MYT1L: variants seen among roughly 807,000 people sequenced by gnomAD.
The protein encoded by MYT1L is myelin transcription factor 1 like.
Under a neutral mutation model 126.7 loss-of-function variants are expected in MYT1L, and 12 were observed. That is an observed-to-expected ratio of 0.09 (90% CI 0.06 to 0.15). The LOEUF (loss-of-function observed/expected upper bound fraction) is 0.15. MYT1L is among the 10% of genes least tolerant of loss of function. The probability of loss-of-function intolerance (pLI) is 1.00; values close to 1 mark genes in which losing one functional copy is unlikely to be tolerated. For synonymous variants in MYT1L, 541 were observed against 604.2 expected, an observed-to-expected ratio of 0.90 and a Z score of 1.53; for missense variants, 979 against 1,585.2, an observed-to-expected ratio of 0.62 and a Z score of 6.49.
intron 3 of MYT1L, among the ~76,000 whole-genome samples, chr2:2,159,361 C>G (rs2148406447): frequency 6.6e-6 from 1 of 152,264 alleles, no homozygotes. Flanking sequence ...ACCCTCCTCT[C>G]CACTGCAAAT....
intron 1 of MYT1L, among the ~76,000 whole-genome samples, chr2:2,322,153 T>C (rs111825364): frequency 1.5e-3 from 223 of 151,618 alleles, no homozygotes; most frequent in African/African-American, 5.0e-3. Context: ...ATAAAAAATA[T>C]TTACCTGTTT....
chr2:2,328,908 C>T (rs2096268144), intron 1 of MYT1L, among the ~76,000 whole-genome samples: 2 of 152,192 alleles, frequency 1.3e-5, no homozygotes, highest in Non-Finnish European at 2.9e-5. Context: ...ATCTTCAAAA[C>T]ATCCAAATGT....
At chr2:1,824,895 T>G (rs1043413585) in intron 21 of MYT1L, 8 of 152,390 alleles carry the variant, frequency 5.2e-5, no homozygotes, top group African/African-American at 1.9e-4. Flanking sequence ...AGGCTTCGCT[T>G]TGTGGATGAC....
At position 2,188,537 on chromosome 2, in the gene MYT1L, C is replaced by T. The variant is rs1000072470; in HGVS notation, c.-420-15549G>A. ...CATTTCCTAATCTATTTAAAATGGC[C>T]TAGAAAATAAGTCCTGATCTGTGTG... On this transcript the variant is annotated intron_variant, in intron 2 of 24. Coordinates refer to ENST00000647738, the MANE Select transcript of MYT1L (RefSeq NM_001303052.2). Among the ~76,000 whole-genome samples the T allele has an allele frequency of 2.0e-5, 3 of 152,268 alleles. No individual in the cohort carries two copies. In the East Asian group the frequency reaches 5.8e-4, roughly 29 times the overall value.
intron 2 of MYT1L, among the ~76,000 whole-genome samples, chr2:2,273,737 G>A (rs1193083809): frequency 6.6e-6 from 1 of 152,222 alleles, no homozygotes; most frequent in African/African-American, 2.4e-5. Context: ...GCATGTCTGA[G>A]AGGTTACTAA....
At chr2:2,180,972 C>CTGTGTGTGTACCTGTGTGTGCT (rs1280046776) in intron 2 of MYT1L, among the ~76,000 whole-genome samples, 1 of 143,510 alleles carries the variant, frequency 7.0e-6, no homozygotes, top group Non-Finnish European at 1.5e-5. Context: ...GTAACCGTAC[C>CTGTGTGTGTACCTGTGTGTGCT]TGTGTGTGTA....
chr2:1,943,034 A>T lies in MYT1L; in HGVS notation c.453T>A (p.Asp151Glu), dbSNP rs2056826323. ...DDDEDGEDVE[D>E]EEEEEEEEEE... ...CCTCCTCCTCCTCTTCCTCTTCTTCATCCTCCACATCTTCTCCATCCTCGT... is the reference window on the plus strand; with the variant it reads ...CCTCCTCCTCCTCTTCCTCTTCTTCTTCCTCCACATCTTCTCCATCCTCGT... The change falls in exon 9 of 25, where the codon GAT (aspartate) becomes GAA (glutamate). Residue 151 changes from aspartate (D) to glutamate (E), a missense_variant. Asp to Glu is a conservative substitution (Grantham distance 45). Around this residue, in one of 12 missense-constraint regions of MYT1L, gnomAD observed 243 missense variants for 363.9 expected, o/e 0.67. Coordinates refer to ENST00000647738, the MANE Select transcript of MYT1L (RefSeq NM_001303052.2). This position sits in a 1 kb window ranked among gnomAD's most constrained non-coding sequence, Gnocchi z 4.4. 6.7e-7 allele frequency: 1 copy of T among 1,491,772 alleles called. No homozygotes were observed. Among genetic ancestry groups the T allele is most frequent in the Non-Finnish European group, 9.1e-7 (1 of 1,096,058 alleles). 92.4% of individuals were successfully genotyped at this position (1,491,772 alleles called of 1,614,324 possible). A position where few individuals can be genotyped will look rare whatever the true frequency, so the allele number is the denominator to read the frequency against.
chr2:2,055,088 T>C (rs1428239798), intron 3 of MYT1L, among the ~76,000 whole-genome samples: 2 of 152,228 alleles, frequency 1.3e-5, no homozygotes, highest in African/African-American at 4.8e-5. Flanking sequence ...AGAAAATTAA[T>C]GAAATTACTC....
intron 21 of MYT1L, among the ~76,000 whole-genome samples, chr2:1,809,541 C>T (rs2036260246): frequency 6.6e-6 from 1 of 152,102 alleles, no homozygotes; most frequent in Non-Finnish European, 1.5e-5. Flanking sequence ...TTATGGAAAG[C>T]ATCAAGCTCA....
At chr2:1,918,811 T>C (rs1449395563) in intron 10 of MYT1L, among the ~76,000 whole-genome samples, 1 of 152,212 alleles carries the variant, frequency 6.6e-6, no homozygotes, top group Non-Finnish European at 1.5e-5. Flanking sequence ...TAAAATTATG[T>C]GGTTGTGGCT....
At chr2:1,807,214 T>G (rs2035858050) in intron 22 of MYT1L, among the ~76,000 whole-genome samples, 1 of 152,174 alleles carries the variant, frequency 6.6e-6, no homozygotes, top group South Asian at 2.1e-4. Context: ...TGGTGAACAA[T>G]GGGCCACATG....
intron 18 of MYT1L, among the ~76,000 whole-genome samples, chr2:1,864,054 C>G (rs1437186549): frequency 6.6e-6 from 1 of 152,198 alleles, no homozygotes; most frequent in East Asian, 1.9e-4. Context: ...TTCATGCCCC[C>G]CAGGGCTGCG....
At chr2:2,225,819 G>A (rs2093994476) in intron 2 of MYT1L, among the ~76,000 whole-genome samples, 1 of 152,162 alleles carries the variant, frequency 6.6e-6, no homozygotes, top group African/African-American at 2.4e-5. Context: ...AATCTGAGGA[G>A]GGCTGAGTGA....
At chr2:1,857,013 G>A in intron 18 of MYT1L, among the ~76,000 whole-genome samples, 1 of 152,206 alleles carries the variant, frequency 6.6e-6, no homozygotes, top group Admixed American at 6.5e-5. Context: ...CACCTGCAGA[G>A]CAAGTGCACG....
At chr2:2,184,966 G>A (rs963922591) in intron 2 of MYT1L, among the ~76,000 whole-genome samples, 1 of 152,068 alleles carries the variant, frequency 6.6e-6, no homozygotes, top group Non-Finnish European at 1.5e-5. Flanking sequence ...CCACCTCTCT[G>A]GCCTTTACTT....
At chr2:2,296,651 T>C (rs751508624) in intron 1 of MYT1L, among the ~76,000 whole-genome samples, 7 of 152,164 alleles carry the variant, frequency 4.6e-5, no homozygotes, top group Non-Finnish European at 8.8e-5. Flanking sequence ...GGACTCTGTC[T>C]GTGGTACCTC....
intron 2 of MYT1L, among the ~76,000 whole-genome samples, chr2:2,205,514 T>C (rs1288022868): frequency 6.6e-6 from 1 of 152,214 alleles, no homozygotes; most frequent in Non-Finnish European, 1.5e-5. Flanking sequence ...ATGCATATAA[T>C]GTAGTCAGGG....
intron 1 of MYT1L, among the ~76,000 whole-genome samples, chr2:2,328,317 G>A (rs1055002089): frequency 3.9e-5 from 6 of 152,100 alleles, no homozygotes; most frequent in Admixed American, 1.3e-4. Context: ...ATTTTCAAGA[G>A]AGTAAAAAAT....
chr2:2,273,932 A>G lies in MYT1L; in HGVS notation c.-421+10472T>C, dbSNP rs185993499. Among the ~76,000 whole-genome samples the G allele has an allele frequency of 4.8e-4, 73 of 152,336 alleles. No homozygotes were observed. In the East Asian group the frequency reaches 0.013, roughly 27 times the overall value. On this transcript the variant is annotated intron_variant, in intron 2 of 24. Transcript: ENST00000647738. ...AATATTTTGTCTCCATTATTAAAAC[A>G]CAAAAAATTGCTGTAAAGACCTTAC... is the stretch of plus-strand genomic sequence containing the variant.
Sources: gnomAD v4.1 joint callset for allele counts (sites outside exome capture counted in the v4.1 genomes callset) on GRCh38, gnomAD v4.1.1 for gene constraint, gnomAD v4.1.1 regional missense constraint, Gnocchi (gnomAD v3.1) non-coding constraint, MANE v1.5 for transcripts, NCBI Gene and HGNC (gene_info 2026-07-23, HGNC 2026-07-21) for gene names.